Variants in NRG3 observed in about 807,000 individuals in gnomAD.
NRG3 encodes pro-neuregulin-3, membrane-bound isoform.
NRG3 carries 31 observed loss-of-function variants against 66.9 expected under a neutral mutation model. That is an observed-to-expected ratio of 0.46 (90% CI 0.35 to 0.63). The LOEUF (loss-of-function observed/expected upper bound fraction) is 0.63. Among genes scored for constraint, NRG3 ranks in the 20% least tolerant of loss-of-function variants. The probability of loss-of-function intolerance (pLI) is 0.00; values close to 1 mark genes in which losing one functional copy is unlikely to be tolerated. For missense variants in NRG3, 910 were observed against 878.9 expected (o/e 1.04, Z -0.45); for synonymous variants, 393 against 359.4 (o/e 1.09, Z -1.06).
At chr10:82,373,464 A>G (rs549966275) in intron 2 of NRG3, among the ~76,000 whole-genome samples, 4 of 152,302 alleles carry the variant, frequency 2.6e-5, no homozygotes, top group Non-Finnish European at 4.4e-5. Context: ...GTCCTCTGAC[A>G]GCAGGTGGAT....
At position 82,431,425 on chromosome 10, in the gene NRG3, A is replaced by G. The variant is rs115475907; in HGVS notation, c.953+72557A>G. ...AGAATGCAGTTAGTGAAAATGCCAT[A>G]AAGCTCACTGTTCTTGCCAAGATGT... On this transcript the variant is annotated intron_variant, in intron 2 of 8. Transcript: ENST00000372141. Among the ~76,000 whole-genome samples the G allele has an allele frequency of 8.7e-3, 1,325 of 152,314 alleles. 19 individuals carry two copies. The highest frequency in any genetic ancestry group is 0.03 in the African/African-American group (1,248 of 41,588).
chr10:82,852,495 AT>A (rs1334644838), intron 3 of NRG3, among the ~76,000 whole-genome samples: 2 of 152,098 alleles, frequency 1.3e-5, no homozygotes, highest in Non-Finnish European at 2.9e-5. Context: ...AAATACAGCT[AT>A]TAAAAAAAAA....
intron 1 of NRG3, among the ~76,000 whole-genome samples, chr10:82,055,562 TG>T (rs2063806224): frequency 6.6e-6 from 1 of 151,204 alleles, no homozygotes; most frequent in Non-Finnish European, 1.5e-5. Flanking sequence ...AAAGAGAAAA[TG>T]GAAAAAGGCA....
At chr10:81,994,857 A>G (rs1344359299) in intron 1 of NRG3, among the ~76,000 whole-genome samples, 1 of 152,096 alleles carries the variant, frequency 6.6e-6, no homozygotes, top group African/African-American at 2.4e-5. Context: ...AATAGGATTT[A>G]CTTTTTGTTT....
chr10:82,130,259 A>G (rs1200395448), intron 1 of NRG3, among the ~76,000 whole-genome samples: 1 of 151,882 alleles, frequency 6.6e-6, no homozygotes, highest in African/African-American at 2.4e-5. Context: ...GTTCTAGGGT[A>G]CATGTATGTG....
intron 1 of NRG3, among the ~76,000 whole-genome samples, chr10:82,175,806 A>G (rs1273279381): frequency 2.0e-5 from 3 of 152,332 alleles, no homozygotes; most frequent in East Asian, 3.9e-4. Flanking sequence ...GCCAAAAAAT[A>G]CATACTTTGG....
At chr10:82,767,699 CT>C (rs1402084682) in intron 3 of NRG3, among the ~76,000 whole-genome samples, 1 of 151,938 alleles carries the variant, frequency 6.6e-6, no homozygotes, top group Non-Finnish European at 1.5e-5. Flanking sequence ...TATTCCTAGT[CT>C]TTTATTTATT....
intron 1 of NRG3, among the ~76,000 whole-genome samples, chr10:82,022,087 T>C (rs1480871572): frequency 6.6e-6 from 1 of 152,042 alleles, no homozygotes; most frequent in Non-Finnish European, 1.5e-5. Flanking sequence ...TCTGTTAAAA[T>C]TTTATTGAGC....
chr10:82,686,161 G>A (rs921784536), intron 2 of NRG3, among the ~76,000 whole-genome samples: 1 of 149,782 alleles, frequency 6.7e-6, no homozygotes, highest in South Asian at 2.1e-4. Context: ...GTACAGAATT[G>A]TATGTGCTAT....
chr10:82,107,824 A>C (rs1410157573), intron 1 of NRG3, among the ~76,000 whole-genome samples: 4 of 152,262 alleles, frequency 2.6e-5, no homozygotes, highest in Admixed American at 6.5e-5. Context: ...TATGTTTAAA[A>C]AACAGAGTAA....
chr10:81,916,160 A>T (rs1233495638), intron 1 of NRG3, among the ~76,000 whole-genome samples: 1 of 152,084 alleles, frequency 6.6e-6, no homozygotes, highest in Non-Finnish European at 1.5e-5. Flanking sequence ...CCATGTTTCA[A>T]AGGCCTTTTC....
Position 82,091,755 on chromosome 10 carries a change from C to T in NRG3, c.823+215592C>T, listed in dbSNP as rs148240113. On this transcript the variant is annotated intron_variant, in intron 1 of 8. Transcript: ENST00000372141. Reference sequence around the variant, plus strand: ...TACCATGCTGTTTCCACAGCAGCTGCGCCATTCCTGCCAACAATGCATAGG... The same window carrying T: ...TACCATGCTGTTTCCACAGCAGCTGTGCCATTCCTGCCAACAATGCATAGG... 2.8e-3 allele frequency among the ~76,000 whole-genome samples: 429 copies of T among 152,278 alleles called. 8 individuals are homozygous for T. The highest frequency in any genetic ancestry group is 0.019 in the Admixed American group (285 of 15,298).
intron 2 of NRG3, among the ~76,000 whole-genome samples, chr10:82,503,224 A>G (rs1372669439): frequency 6.6e-6 from 1 of 152,182 alleles, no homozygotes; most frequent in Non-Finnish European, 1.5e-5. Context: ...ATTTCCCCAT[A>G]GAAATAAGCT....
At chr10:82,088,986 GA>G (rs149759139) in intron 1 of NRG3, among the ~76,000 whole-genome samples, 4,125 of 151,922 alleles carry the variant, frequency 0.027, 213 homozygotes, top group African/African-American at 0.096. Context: ...AAAACCAGCA[GA>G]GAAGATTTTT....
chr10:82,966,943 C>G (rs1851266426), intron 6 of NRG3, among the ~76,000 whole-genome samples: 1 of 151,570 alleles, frequency 6.6e-6, no homozygotes, highest in African/African-American at 2.4e-5. Flanking sequence ...TGTTGTTGAG[C>G]ACTACAAGAC....
intron 2 of NRG3, among the ~76,000 whole-genome samples, chr10:82,453,494 C>T (rs1025473027): frequency 6.6e-6 from 1 of 152,010 alleles, no homozygotes; most frequent in Non-Finnish European, 1.5e-5. Flanking sequence ...GTAACCATTG[C>T]ATTAATTCAA....
At position 82,618,751 on chromosome 10, in the gene NRG3, C is replaced by A. The variant is rs540316945; in HGVS notation, c.954-119826C>A. On this transcript the variant is annotated intron_variant, in intron 2 of 8. Coordinates refer to ENST00000372141, the MANE Select transcript of NRG3 (RefSeq NM_001010848.4). ...TATGAAATGTTAATTATTCATTAAA[C>A]CCCCATTTTCTGAAAATTATGGTGT... Among the ~76,000 whole-genome samples, 7 of 151,956 alleles carry A rather than the reference C, an allele frequency of 4.6e-5. No homozygotes were observed. The South Asian group carries it at 6.2e-4, about 14-fold the overall frequency.
intron 1 of NRG3, among the ~76,000 whole-genome samples, chr10:82,037,620 G>T (rs2062845620): frequency 6.6e-6 from 1 of 152,124 alleles, no homozygotes; most frequent in South Asian, 2.1e-4. Flanking sequence ...AGCATTGGCA[G>T]GATCTCATAT....
In NRG3 at chr10:82,084,488, G is replaced by A. The variant is rs1271128582; in HGVS notation, c.823+208325G>A. Reference sequence around the variant, plus strand: ...TGTAATTTAGCTAGTCTCCAAATTTGGGACATATATGAGATTTTTTTTTTT... The same window carrying A: ...TGTAATTTAGCTAGTCTCCAAATTTAGGACATATATGAGATTTTTTTTTTT... On this transcript the variant is annotated intron_variant, in intron 1 of 8. Transcript: ENST00000372141. Among the ~76,000 whole-genome samples the A allele has an allele frequency of 2.2e-5, 3 of 139,394 alleles. No individual in the cohort carries two copies. The Admixed American group carries it at 2.3e-4, about 11-fold the overall frequency. The allele number at this position is 139,394 out of a possible 152,430, so 91.4% of individuals were successfully genotyped here. A position where few individuals can be genotyped will look rare whatever the true frequency, so the allele number is the denominator to read the frequency against.
Sources: gnomAD v4.1 joint callset for allele counts (sites outside exome capture counted in the v4.1 genomes callset) on GRCh38, gnomAD v4.1.1 for gene constraint, MANE v1.5 for transcripts, NCBI Gene and HGNC (gene_info 2026-07-23, HGNC 2026-07-21) for gene names.